EXOC4: variants seen among roughly 807,000 people sequenced by gnomAD.
EXOC4 encodes SEC8-like 1.
A neutral mutation model predicts 107.2 loss-of-function variants in EXOC4; 71 were observed. The observed-to-expected ratio is 0.66, with a 90% CI of 0.55 to 0.81. The LOEUF is 0.81. Ranked by LOEUF, EXOC4 falls within the 30% of genes least tolerant of loss-of-function variation. The pLI is 0.00. For synonymous variants in EXOC4, 456 were observed against 441.2 expected, an observed-to-expected ratio of 1.03 and a Z score of -0.42; for missense variants, 1,108 against 1,189.6, an observed-to-expected ratio of 0.93 and a Z score of 1.01.
intron 10 of EXOC4, among the ~76,000 whole-genome samples, chr7:133,755,234 A>AATATATATAAT (rs1403221752): frequency 9.3e-6 from 1 of 108,032 alleles, no homozygotes. Context: ...ATATATATAT[A>AATATATATAAT]ATATATATAA....
At position 133,808,886 on chromosome 7, in the gene EXOC4, T is replaced by A. The variant is rs190864917; in HGVS notation, c.1515-8439T>A. ...AGTGTCATCAGAATGCAGGACTCTG[T>A]TATTAGTGCTGTTTGCCATCTTTGT... On this transcript the variant is annotated intron_variant, in intron 10 of 17. Transcript: ENST00000253861. Among the ~76,000 whole-genome samples, 216 of 152,256 alleles carry A rather than the reference T, an allele frequency of 1.4e-3. 3 individuals are homozygous for A. Among genetic ancestry groups the A allele is most frequent in the Admixed American group, 0.014 (215 of 15,290 alleles).
At chr7:133,696,404 TCTC>T (rs1275959997) in intron 10 of EXOC4, among the ~76,000 whole-genome samples, 1 of 152,122 alleles carries the variant, frequency 6.6e-6, no homozygotes, top group Non-Finnish European at 1.5e-5. Context: ...CTCCCCTGAC[TCTC>T]CTCCTCTGTC....
At chr7:133,322,826 C>T (rs548642394) in intron 5 of EXOC4, among the ~76,000 whole-genome samples, 12 of 152,280 alleles carry the variant, frequency 7.9e-5, no homozygotes, top group African/African-American at 2.4e-4. Flanking sequence ...GCCATTTTCA[C>T]GACATTGATT....
At chr7:133,333,454 G>T (rs1370966044) in intron 5 of EXOC4, among the ~76,000 whole-genome samples, 1 of 151,978 alleles carries the variant, frequency 6.6e-6, no homozygotes, top group East Asian at 1.9e-4. Flanking sequence ...TTATTGGAGA[G>T]TGATATTTTG....
the EXOC4 span, among the ~76,000 whole-genome samples, chr7:134,076,773 C>T: frequency 6.6e-6 from 1 of 151,186 alleles, no homozygotes; most frequent in Non-Finnish European, 1.5e-5. Flanking sequence ...TTGTGCTAAC[C>T]TTGTTAGAAC....
chr7:134,026,505 G>A (rs1021404473), intron 17 of EXOC4, among the ~76,000 whole-genome samples: 4 of 150 alleles, frequency 0.027, no homozygotes, highest in African/African-American at 0.087. Context: ...AGGAAGGTTT[G>A]GTTACCAAAG....
chr7:133,287,631 A>G (rs559813247), intron 2 of EXOC4, among the ~76,000 whole-genome samples: 1 of 152,252 alleles, frequency 6.6e-6, no homozygotes, highest in Non-Finnish European at 1.5e-5. Context: ...TTATTAAGAG[A>G]GGTTACAAGG....
intron 9 of EXOC4, among the ~76,000 whole-genome samples, chr7:133,494,732 CCAATTGAAATCCTTTGT>C (rs1422397806): frequency 1.3e-5 from 2 of 152,158 alleles, no homozygotes; most frequent in African/African-American, 4.8e-5. Context: ...CTTATTCTAA[CCAATTGAAATCCTTTGT>C]CATCCCCAAA....
rs543238160 is a variant in EXOC4 at position 133,743,174 on chromosome 7, C to G, written c.1515-74151C>G. On this transcript the variant is annotated intron_variant, in intron 10 of 17. Coordinates refer to ENST00000253861, the MANE Select transcript of EXOC4 (RefSeq NM_021807.4). ...TACTTGTATATTAACAAGAGACAAT[C>G]GATAGAAAAATTAAAAGGAAAAGTC... Among the ~76,000 whole-genome samples, 7 of 152,146 alleles carry G rather than the reference C, an allele frequency of 4.6e-5. No individual in the cohort carries two copies. In the East Asian group the frequency reaches 9.7e-4, roughly 21 times the overall value.
chr7:133,750,856 A>C lies in EXOC4; in HGVS notation c.1515-66469A>C, dbSNP rs530444117. On this transcript the variant is annotated intron_variant, in intron 10 of 17. Coordinates refer to ENST00000253861, the MANE Select transcript of EXOC4 (RefSeq NM_021807.4). ...TTGTCCTCCCAAAGTGTTGGGGCTT[A>C]CAGGTATGAGCCACTGTGCCCAGCC... 2.0e-5 allele frequency among the ~76,000 whole-genome samples: 3 copies of C among 152,268 alleles called. No individual in the cohort carries two copies. In the South Asian group the frequency reaches 6.2e-4, roughly 32 times the overall value.
At chr7:133,713,424 C>T (rs1794935658) in intron 10 of EXOC4, among the ~76,000 whole-genome samples, 1 of 152,036 alleles carries the variant, frequency 6.6e-6, no homozygotes, top group Admixed American at 6.6e-5. Flanking sequence ...CTGAAATATT[C>T]ATAAGAGCTT....
Position 134,064,493 on chromosome 7 carries a change from C to CA in EXOC4, c.2892dup (p.Ala965SerfsTer48). On this transcript the variant is annotated frameshift_variant, in exon 18 of 18. Coordinates refer to ENST00000253861, the MANE Select transcript of EXOC4 (RefSeq NM_021807.4). LOFTEE classifies it high-confidence loss of function. ...CATCTGCGAGCAGGCTGCCATCAAG[C>CA]AAGCCACCAAGGACAAGAAGATAAC... 1 of 1,606,036 alleles carries CA rather than the reference C, an allele frequency of 6.2e-7. No individual in the cohort carries two copies. The highest frequency in any genetic ancestry group is 1.1e-5 in the South Asian group (1 of 89,784).
intron 6 of EXOC4, among the ~76,000 whole-genome samples, chr7:133,367,844 A>G (rs889503971): frequency 2.6e-5 from 4 of 151,576 alleles, no homozygotes; most frequent in Admixed American, 1.3e-4. Context: ...GGCTGTTATG[A>G]CCATAGTTCT....
At chr7:133,486,145 C>T (rs1799266459) in intron 9 of EXOC4, among the ~76,000 whole-genome samples, 1 of 152,090 alleles carries the variant, frequency 6.6e-6, no homozygotes, top group Non-Finnish European at 1.5e-5. Flanking sequence ...TAAATATGGA[C>T]ATACTGGCAT....
intron 11 of EXOC4, among the ~76,000 whole-genome samples, chr7:133,878,950 C>T (rs1798906870): frequency 6.6e-6 from 1 of 152,116 alleles, no homozygotes. Flanking sequence ...GTCTCAAACT[C>T]CTGACCTCAG....
At chr7:133,652,608 G>A (rs1279360758) in intron 10 of EXOC4, among the ~76,000 whole-genome samples, 1 of 152,110 alleles carries the variant, frequency 6.6e-6, no homozygotes, top group African/African-American at 2.4e-5. Flanking sequence ...GAAGGGGCAA[G>A]AGGGAGTCCT....
At chr7:133,263,867 C>G (rs1282943784) in intron 1 of EXOC4, among the ~76,000 whole-genome samples, 1 of 152,052 alleles carries the variant, frequency 6.6e-6, no homozygotes, top group Non-Finnish European at 1.5e-5. Flanking sequence ...TCCCTCTCCC[C>G]TAGACACTTT....
chr7:133,614,584 T>C (rs1802145340), intron 9 of EXOC4, among the ~76,000 whole-genome samples: 1 of 152,036 alleles, frequency 6.6e-6, no homozygotes, highest in Non-Finnish European at 1.5e-5. Flanking sequence ...GTCAGCATTA[T>C]GTAAGAGAAT....
intron 9 of EXOC4, among the ~76,000 whole-genome samples, chr7:133,483,637 CTAA>C (rs2150864680): frequency 6.6e-6 from 1 of 152,238 alleles, no homozygotes; most frequent in Non-Finnish European, 1.5e-5. Context: ...CATTATGTTC[CTAA>C]TAATCATTAA....
Sources: gnomAD v4.1 joint callset for allele counts (sites outside exome capture counted in the v4.1 genomes callset) on GRCh38, gnomAD v4.1.1 for gene constraint, MANE v1.5 for transcripts, NCBI Gene and HGNC (gene_info 2026-07-23, HGNC 2026-07-21) for gene names.